Variants in PAK1 observed in about 807,000 individuals in gnomAD.
The protein encoded by PAK1 is serine/threonine-protein kinase PAK 1.
Under a neutral mutation model 67.4 loss-of-function variants are expected in PAK1, and 29 were observed. The observed-to-expected ratio is 0.43, with a 90% CI of 0.32 to 0.59. The LOEUF (loss-of-function observed/expected upper bound fraction) is 0.59, where lower values mean the gene tolerates loss of function less well. Ranked by LOEUF, PAK1 falls within the 20% of genes least tolerant of loss-of-function variation. The pLI is 0.07. For synonymous variants in PAK1, 223 were observed against 237.4 expected (o/e 0.94, Z 0.56); for missense variants, 337 against 670.7 (o/e 0.50, Z 5.50).
At chr11:77,446,180 C>T (rs1038481507) in intron 1 of PAK1, among the ~76,000 whole-genome samples, 1 of 152,162 alleles carries the variant, frequency 6.6e-6, no homozygotes, top group East Asian at 1.9e-4. Flanking sequence ...GACTCACTGT[C>T]TCTATGCTAG....
At chr11:77,524,395 A>T in the PAK1 span, among the ~76,000 whole-genome samples, 1 of 152,184 alleles carries the variant, frequency 6.6e-6, no homozygotes, top group Non-Finnish European at 1.5e-5. Context: ...ATTCAACTGC[A>T]TTCATCCATC....
At chr11:77,484,969 G>C in the PAK1 span, among the ~76,000 whole-genome samples, 1 of 152,180 alleles carries the variant, frequency 6.6e-6, no homozygotes, top group African/African-American at 2.4e-5. Context: ...AAAAAAGAGA[G>C]AGCTTGTACA....
At chr11:77,457,899 C>A (rs949765040) in intron 1 of PAK1, among the ~76,000 whole-genome samples, 1 of 152,176 alleles carries the variant, frequency 6.6e-6, no homozygotes, top group African/African-American at 2.4e-5. Flanking sequence ...CTGTACCAGA[C>A]AGGACCTTTC....
chr11:77,448,618 A>C (rs529580091), intron 1 of PAK1, among the ~76,000 whole-genome samples: 1 of 152,248 alleles, frequency 6.6e-6, no homozygotes, highest in Non-Finnish European at 1.5e-5. Context: ...CAGCAAGCAA[A>C]GGAAAACATG....
chr11:77,512,531 C>T, the PAK1 span, among the ~76,000 whole-genome samples: 2 of 152,096 alleles, frequency 1.3e-5, no homozygotes, highest in East Asian at 3.9e-4. Flanking sequence ...GTTTGATGCT[C>T]TCAGTGGTAC....
the PAK1 span, among the ~76,000 whole-genome samples, chr11:77,482,891 C>T: frequency 1.3e-5 from 2 of 152,090 alleles, no homozygotes; most frequent in Non-Finnish European, 1.5e-5. Flanking sequence ...CAGGCATGAG[C>T]CACCACACCC....
At chr11:77,336,631 G>A (rs1942736322) in intron 12 of PAK1, among the ~76,000 whole-genome samples, 2 of 152,062 alleles carry the variant, frequency 1.3e-5, no homozygotes. Context: ...TCCCAAATCT[G>A]GCGACTAGGT....
chr11:77,325,302 G>C, intron 14 of PAK1: 1 of 1,613,752 alleles, frequency 6.2e-7, no homozygotes, highest in Non-Finnish European at 8.5e-7. Flanking sequence ...AGCCAAACAG[G>C]CTGAAATCCT....
chr11:77,339,499 AAGTC>A (rs1323191243), intron 11 of PAK1, among the ~76,000 whole-genome samples: 7 of 152,114 alleles, frequency 4.6e-5, no homozygotes, highest in Non-Finnish European at 8.8e-5. Context: ...ACAAAAAAAA[AAGTC>A]AGAACCCCTA....
In PAK1 at chr11:77,405,259, T is replaced by C. The variant is rs566420379; in HGVS notation, c.-21-12718A>G. 2.0e-5 allele frequency among the ~76,000 whole-genome samples: 3 copies of C among 152,298 alleles called. No homozygotes were observed. The East Asian group carries it at 5.8e-4, about 29-fold the overall frequency. On this transcript the variant is annotated intron_variant, in intron 1 of 14. Coordinates refer to ENST00000356341, the MANE Select transcript of PAK1 (RefSeq NM_002576.5). ...AGAGATGTAACCAGAGGTCAGACAG[T>C]GTGGAACTTTATAGGCCACAATAAA...
chr11:77,476,373 T>C (rs892172649), upstream of PAK1: 1 of 152,212 alleles, frequency 6.6e-6, no homozygotes, highest in Admixed American at 6.5e-5. Flanking sequence ...AAATTGACTC[T>C]AATCTGGATT....
chr11:77,514,473 C>T, the PAK1 span, among the ~76,000 whole-genome samples: 6 of 152,188 alleles, frequency 3.9e-5, no homozygotes, highest in South Asian at 2.1e-4. Context: ...CCAGCCTGGG[C>T]GACAGAGCAA....
intron 1 of PAK1, among the ~76,000 whole-genome samples, chr11:77,464,896 A>C (rs993183046): frequency 2.0e-5 from 3 of 152,166 alleles, no homozygotes; most frequent in Admixed American, 2.0e-4. Flanking sequence ...CTGAATGCAT[A>C]TTGCTTTTAC....
At chr11:77,523,708 A>G in the PAK1 span, among the ~76,000 whole-genome samples, 1 of 152,106 alleles carries the variant, frequency 6.6e-6, no homozygotes, top group Non-Finnish European at 1.5e-5. Flanking sequence ...ATAAGCCACC[A>G]CACCCGGCCT....
chr11:77,405,398 T>A (rs991327990), intron 1 of PAK1, among the ~76,000 whole-genome samples: 1 of 152,032 alleles, frequency 6.6e-6, no homozygotes, highest in Non-Finnish European at 1.5e-5. Flanking sequence ...AGGGGAACAA[T>A]GCAGAAGTGG....
chr11:77,437,260 C>T (rs1429446752), intron 1 of PAK1, among the ~76,000 whole-genome samples: 1 of 152,152 alleles, frequency 6.6e-6, no homozygotes, highest in Non-Finnish European at 1.5e-5. Flanking sequence ...ACATATAGGT[C>T]AGGTACTTAG....
At chr11:77,349,480 G>T in intron 8 of PAK1, 193 bp from the exon 9 acceptor site, 1 of 577,082 alleles carries the variant, frequency 1.7e-6, no homozygotes, top group Non-Finnish European at 3.2e-6. Flanking sequence ...GGCTCTAGTG[G>T]CCAGGAGACC....
chr11:77,428,854 T>A (rs1390044307), intron 1 of PAK1, among the ~76,000 whole-genome samples: 1 of 150,858 alleles, frequency 6.6e-6, no homozygotes, highest in Non-Finnish European at 1.5e-5. Flanking sequence ...GAAAGAGTTG[T>A]CATGGAAGAG....
chr11:77,390,822 C>A (rs1261129466), intron 2 of PAK1, among the ~76,000 whole-genome samples: 1 of 152,044 alleles, frequency 6.6e-6, no homozygotes, highest in Non-Finnish European at 1.5e-5. Flanking sequence ...CCCAAAGCCA[C>A]CAAACCCAAA....
Sources: gnomAD v4.1 joint callset for allele counts (sites outside exome capture counted in the v4.1 genomes callset) on GRCh38, gnomAD v4.1.1 for gene constraint, MANE v1.5 for transcripts, NCBI Gene and HGNC (gene_info 2026-07-23, HGNC 2026-07-21) for gene names.